Variants in RAB6A observed in about 807,000 individuals in gnomAD.
RAB6A encodes the protein RAB6A, member RAS oncogene family.
In RAB6A, 8 loss-of-function variants were observed where a neutral mutation model predicts 32.3. That is an observed-to-expected ratio of 0.25 (90% CI 0.15 to 0.45). RAB6A has a LOEUF of 0.45. Ranked by LOEUF, RAB6A falls within the 20% of genes least tolerant of loss-of-function variation. The pLI is 1.00. For missense variants in RAB6A, 104 were observed against 249.4 expected (o/e 0.42, Z 3.93); for synonymous variants, 73 against 82.1 (o/e 0.89, Z 0.60).
chr11:73,694,222 ACAAT>A (rs761387064), intron 6 of RAB6A, among the ~76,000 whole-genome samples: 3 of 152,222 alleles, frequency 2.0e-5, no homozygotes, highest in African/African-American at 7.2e-5. Context: ...AGGGTGTGAA[ACAAT>A]CAAATCAAAG....
At chr11:73,680,858 T>A (rs1027992187) in intron 6 of RAB6A, among the ~76,000 whole-genome samples, 1 of 152,160 alleles carries the variant, frequency 6.6e-6, no homozygotes, top group African/African-American at 2.4e-5. Flanking sequence ...GTTTGAGGTA[T>A]GAAGCTATGA....
intron 1 of RAB6A, among the ~76,000 whole-genome samples, chr11:73,735,516 T>C (rs1409254042): frequency 6.6e-6 from 1 of 152,112 alleles, no homozygotes; most frequent in East Asian, 1.9e-4. Flanking sequence ...CAGTCTTCTA[T>C]TATAAGGCTA....
chr11:73,731,683 ATT>A (rs1565369832), intron 1 of RAB6A, among the ~76,000 whole-genome samples: 1 of 30,598 alleles, frequency 3.3e-5, no homozygotes, highest in African/African-American at 9.8e-5. Context: ...ATAGATAGAT[ATT>A]ATATATATAT....
At chr11:73,710,737 GA>G (rs56077645) in intron 5 of RAB6A, among the ~76,000 whole-genome samples, 5,731 of 142,168 alleles carry the variant, frequency 0.04, 146 homozygotes, top group Middle Eastern at 0.077. Context: ...ACTCAGTCTT[GA>G]AAAAAAAAAA....
intron 1 of RAB6A, among the ~76,000 whole-genome samples, chr11:73,739,305 A>ATATATATATATATAT: frequency 1.5e-5 from 1 of 67,952 alleles, no homozygotes; most frequent in South Asian, 5.0e-4. Flanking sequence ...ATATATATAT[A>ATATATATATATATAT]AATACTGGAA....
intron 4 of RAB6A, among the ~76,000 whole-genome samples, chr11:73,717,183 C>G (rs2134943611): frequency 6.6e-6 from 1 of 152,184 alleles, no homozygotes; most frequent in East Asian, 1.9e-4. Flanking sequence ...AAAAAAAGTC[C>G]TTGAATGCAA....
intron 1 of RAB6A, among the ~76,000 whole-genome samples, chr11:73,736,405 G>A (rs1213968306): frequency 1.4e-5 from 2 of 144,608 alleles, no homozygotes; most frequent in Admixed American, 1.4e-4. Flanking sequence ...CTCCAGCCTG[G>A]GCAACAGAGA....
intron 2 of RAB6A, among the ~76,000 whole-genome samples, chr11:73,723,261 A>G (rs1030964735): frequency 4.0e-5 from 6 of 150,980 alleles, no homozygotes; most frequent in Non-Finnish European, 8.8e-5. Flanking sequence ...TATTTATTGA[A>G]CTCTATTCCT....
chr11:73,707,334 G>A (rs1391070807), intron 6 of RAB6A, 86 bp downstream of exon 6: 1 of 926,288 alleles, frequency 1.1e-6, no homozygotes, highest in East Asian at 2.5e-5. Flanking sequence ...CTCTTGCCAG[G>A]TGGAAGGAAA....
intron 1 of RAB6A, among the ~76,000 whole-genome samples, chr11:73,740,821 G>T (rs1253324837): frequency 2.0e-5 from 3 of 151,704 alleles, no homozygotes; most frequent in Non-Finnish European, 2.9e-5. Flanking sequence ...CTGGGAGGCA[G>T]AGGTTGCAGT....
chr11:73,760,478 G>A, intron 1 of RAB6A, 88 bp downstream of exon 1: 1 of 1,485,870 alleles, frequency 6.7e-7, no homozygotes, highest in Non-Finnish European at 9.0e-7. Flanking sequence ...GAGGCGGGCA[G>A]GGAGCCTCCG....
chr11:73,714,209 A>AAT lies in RAB6A; in HGVS notation c.401+2040_401+2041dup, dbSNP rs1555059763. On this transcript the variant is annotated intron_variant, in intron 5 of 7. Transcript: ENST00000336083. ...CTCCATCTCAAAAAAAAAAAAAAAA[A>AAT]ATATATATATATATATATATACACA... 2.6e-3 allele frequency among the ~76,000 whole-genome samples: 151 copies of AAT among 57,556 alleles called. 1 individual carries two copies. Among genetic ancestry groups the AAT allele is most frequent in the African/African-American group, 7.9e-3 (127 of 16,028 alleles). The allele number at this position is 57,556 out of a possible 152,430, so 37.8% of individuals were successfully genotyped here.
chr11:73,748,179 C>A (rs1310808323), intron 1 of RAB6A, among the ~76,000 whole-genome samples: 1 of 152,064 alleles, frequency 6.6e-6, no homozygotes, highest in Non-Finnish European at 1.5e-5. Context: ...AATTGGAATT[C>A]TTTTAAAGGA....
At position 73,707,291 on chromosome 11, in the gene RAB6A, G is replaced by A. The variant is rs1590847031; in HGVS notation, c.495+129C>T. 6.5e-6 allele frequency: 4 copies of A among 616,530 alleles called. No individual in the cohort carries two copies. In the Admixed American group the frequency reaches 1.2e-4, roughly 19 times the overall value. The allele number at this position is 616,530 out of a possible 1,614,324, so 38.2% of individuals were successfully genotyped here. ...CTATGCCACATTTATATTTTTCACT[G>A]TTTGAAAATATACTGCTAGTTTGTA... On this transcript the variant is annotated intron_variant, in intron 6 of 7. Transcript: ENST00000336083.
At chr11:73,709,844 TATATATAC>T (rs1048082183) in intron 5 of RAB6A, among the ~76,000 whole-genome samples, 406 of 29,910 alleles carry the variant, frequency 0.014, 3 homozygotes, top group African/African-American at 0.027. Context: ...TATATACACA[TATATATAC>T]ATATATACAT....
intron 6 of RAB6A, among the ~76,000 whole-genome samples, chr11:73,700,448 G>A (rs1945721877): frequency 6.6e-6 from 1 of 152,022 alleles, no homozygotes. Flanking sequence ...GGGTATGATA[G>A]TGGGGGCCTG....
At chr11:73,744,508 C>T (rs1446137926) in intron 1 of RAB6A, among the ~76,000 whole-genome samples, 1 of 50,846 alleles carries the variant, frequency 2.0e-5, no homozygotes, top group Non-Finnish European at 3.2e-5. Context: ...GAGACCCTGT[C>T]TCCAAAAAAA....
intron 1 of RAB6A, among the ~76,000 whole-genome samples, chr11:73,751,161 T>C (rs192425230): frequency 3.3e-4 from 50 of 152,090 alleles, no homozygotes; most frequent in African/African-American, 1.2e-3. Flanking sequence ...GACTCTATAG[T>C]CCCAGCTACT....
In RAB6A at chr11:73,722,325, ATATATATATATATATATATTT is replaced by A. The variant is rs1258500447; in HGVS notation, c.130-1447_130-1427del. On this transcript the variant is annotated intron_variant, in intron 2 of 7. Coordinates refer to ENST00000336083, the MANE Select transcript of RAB6A (RefSeq NM_198896.2). Reference sequence around the variant, plus strand: ...TGTGTGTATATATATATATATATATATATATATATATATATATATTTTTTTTTTTTTTTTTTTTTTTTGAGA... The same window carrying A: ...TGTGTGTATATATATATATATATATATTTTTTTTTTTTTTTTTTTTTGAGA... The A allele has an allele frequency of 4.9e-3, 86 of 17,700 alleles. 2 individuals are homozygous for A. Among genetic ancestry groups the A allele is most frequent in the Middle Eastern group, 0.042 (1 of 24 alleles). The allele number at this position is 17,700 out of a possible 1,614,324, so 1.1% of individuals were successfully genotyped here.
Sources: allele counts gnomAD v4.1 joint callset (sites outside exome capture counted in the v4.1 genomes callset), GRCh38; gene constraint gnomAD v4.1.1; transcripts MANE v1.5; gene names NCBI Gene and HGNC (gene_info 2026-07-23, HGNC 2026-07-21).